Variants in COL6A5 observed in about 807,000 individuals in gnomAD.
COL6A5 encodes the protein collagen type VI alpha 5 chain, also known as collagen alpha-5(VI) chain.
COL6A5 carries 48 observed loss-of-function variants against 65.6 expected under a neutral mutation model. That is an observed-to-expected ratio of 0.73 (90% CI 0.58 to 0.93). The LOEUF (loss-of-function observed/expected upper bound fraction) is 0.93. Among genes scored for constraint, COL6A5 ranks in the 40% least tolerant of loss-of-function variants. The pLI is 0.00. For synonymous variants in COL6A5, 291 were observed against 322.8 expected, an observed-to-expected ratio of 0.90 and a Z score of 1.05; for missense variants, 914 against 928.3, an observed-to-expected ratio of 0.98 and a Z score of 0.20.
chr3:130,483,952 G>A, intron 7 of COL6A5, 83 bp from the exon 41 acceptor site: 2 of 1,146,652 alleles, frequency 1.7e-6, no homozygotes, highest in Admixed American at 2.1e-5. Context: ...TTTATATGTG[G>A]CATATAAAGG....
chr3:130,400,580 G>C (rs1033793176), intron 10 of COL6A5, among the ~76,000 whole-genome samples: 1 of 152,146 alleles, frequency 6.6e-6, no homozygotes, highest in African/African-American at 2.4e-5. Flanking sequence ...CTCAGGGCTT[G>C]GCCTCCCAGG....
At chr3:130,413,930 G>A in intron 21 of COL6A5, 139 bp from the exon 22 acceptor site, 1 of 676,830 alleles carries the variant, frequency 1.5e-6, no homozygotes, top group African/African-American at 1.8e-5. Context: ...GTCTAGAACT[G>A]TAAAATCCTA....
chr3:130,420,831 A>G (rs1172360118), intron 25 of COL6A5, among the ~76,000 whole-genome samples: 1 of 152,076 alleles, frequency 6.6e-6, no homozygotes, highest in African/African-American at 2.4e-5. Context: ...ATCCTTCTTC[A>G]GAGAGTTTCT....
exon 3 of COL6A5, chr3:130,376,273 T>C (rs769061297): frequency 6.2e-7 from 1 of 1,610,424 alleles, no homozygotes; most frequent in South Asian, 1.1e-5. Context: ...GTGTTTCTGG[T>C]GGACAGCTCC....
chr3:130,456,857 C>G (rs1709585962), intron 5 of COL6A5, among the ~76,000 whole-genome samples: 1 of 151,872 alleles, frequency 6.6e-6, no homozygotes, highest in Non-Finnish European at 1.5e-5. Context: ...CACTTACATC[C>G]CCACAATTAT....
rs140364416 is a variant in COL6A5, at chr3:130,420,022, T to A, written c.4950+1091T>A. On this transcript the variant is annotated intron_variant and NMD_transcript_variant, in intron 25 of 41. Coordinates refer to the COL6A5 transcript ENST00000312481. ...CCATTGCCTCCATAAAGGCTTTCAGTCTTCCTTCATTGCATTTTCTATCCA... is the reference window on the plus strand; with the variant it reads ...CCATTGCCTCCATAAAGGCTTTCAGACTTCCTTCATTGCATTTTCTATCCA... Among the ~76,000 whole-genome samples the A allele has an allele frequency of 3.9e-5, 6 of 152,230 alleles. No homozygotes were observed. The East Asian group carries it at 9.7e-4, about 25-fold the overall frequency.
At chr3:130,393,221 G>T (rs1936466911) in intron 7 of COL6A5, among the ~76,000 whole-genome samples, 1 of 151,726 alleles carries the variant, frequency 6.6e-6, no homozygotes, top group Non-Finnish European at 1.5e-5. Flanking sequence ...AATCTACCCT[G>T]TCCTTCTGAA....
chr3:130,353,723 G>GAA (rs11396453), intron 1 of COL6A5, among the ~76,000 whole-genome samples: 97 of 149,930 alleles, frequency 6.5e-4, no homozygotes, highest in South Asian at 4.0e-3. Flanking sequence ...TAAAATTTCT[G>GAA]AAAAAAAAAG....
chr3:130,395,224 A>G lies in COL6A5; in HGVS notation c.3327A>G (p.Gln1109=), dbSNP rs138909133. 14 of 1,551,680 alleles carry G rather than the reference A, an allele frequency of 9.0e-6. No individual in the cohort carries two copies. In the African/African-American group the frequency reaches 1.9e-4, roughly 21 times the overall value. The change falls in exon 8 of 42, where the codon CAA becomes CAG. Residue 1109 remains glutamine (Q), a synonymous_variant and NMD_transcript_variant. Coordinates refer to the COL6A5 transcript ENST00000312481. Reference sequence around the variant, plus strand: ...GGAGAAGAAATGCTGGTGTCCCCCAAACTTTGGTTGTTATCACATCTGGAG... The same window carrying G: ...GGAGAAGAAATGCTGGTGTCCCCCAGACTTTGGTTGTTATCACATCTGGAG...
exon 8 of COL6A5, chr3:130,484,244 T>A (rs1710320921): frequency 5.4e-6 from 3 of 558,508 alleles, no homozygotes; most frequent in African/African-American, 3.8e-5. Flanking sequence ...AGTGAAGACA[T>A]CAGTAAGAAG....
intron 5 of COL6A5, among the ~76,000 whole-genome samples, chr3:130,464,872 G>A (rs1310930204): frequency 6.6e-6 from 1 of 152,002 alleles, no homozygotes; most frequent in Non-Finnish European, 1.5e-5. Flanking sequence ...GGAAGAATGT[G>A]GTGTATATAT....
intron 4 of COL6A5, among the ~76,000 whole-genome samples, chr3:130,451,291 G>T (rs142331153): frequency 6.6e-6 from 1 of 152,160 alleles, no homozygotes; most frequent in Non-Finnish European, 1.5e-5. Context: ...TGGAGTTGGC[G>T]TAGAAGTGAC....
chr3:130,376,241 A>G (rs151042455), exon 3 of COL6A5: 329 of 1,593,806 alleles, frequency 2.1e-4, no homozygotes, highest in Non-Finnish European at 2.6e-4. Context: ...TGATAGGGCC[A>G]GGCCCTGTGT....
chr3:130,429,517 T>A, upstream of COL6A5: 2 of 1,483,382 alleles, frequency 1.3e-6, no homozygotes, highest in Non-Finnish European at 1.8e-6. Context: ...TTTTTTGAAC[T>A]ATTTTTAGTC....
chr3:130,433,934 T>C (rs1344384694), intron 1 of COL6A5, among the ~76,000 whole-genome samples: 1 of 151,830 alleles, frequency 6.6e-6, no homozygotes, highest in Non-Finnish European at 1.5e-5. Context: ...TCTAAAATAG[T>C]TTGCCTTACC....
chr3:130,415,546 G>A, intron 22 of COL6A5, 99 bp from the exon 23 acceptor site: 1 of 1,106,760 alleles, frequency 9.0e-7, no homozygotes, highest in South Asian at 1.5e-5. Context: ...TGTGGGAAGG[G>A]CTGGACCATT....
At chr3:130,445,879 T>C (rs1709292290) in intron 4 of COL6A5, among the ~76,000 whole-genome samples, 1 of 152,176 alleles carries the variant, frequency 6.6e-6, no homozygotes, top group Admixed American at 6.5e-5. Context: ...TTTTTTAATA[T>C]TACTGCATGT....
intron 4 of COL6A5, among the ~76,000 whole-genome samples, chr3:130,450,945 G>A (rs1366640923): frequency 6.6e-6 from 1 of 152,068 alleles, no homozygotes; most frequent in Non-Finnish European, 1.5e-5. Context: ...GCCTGCAAAC[G>A]GGCCTCCTCT....
At chr3:130,347,278 G>A (rs1033798571) in intron 1 of COL6A5, among the ~76,000 whole-genome samples, 2 of 152,116 alleles carry the variant, frequency 1.3e-5, no homozygotes, top group Admixed American at 6.5e-5. Flanking sequence ...GTAGTTCCCC[G>A]GAGGACCCTG....
Sources: gnomAD v4.1 joint callset for allele counts (sites outside exome capture counted in the v4.1 genomes callset) on GRCh38, gnomAD v4.1.1 for gene constraint, MANE v1.5 for transcripts, NCBI Gene and HGNC (gene_info 2026-07-23, HGNC 2026-07-21) for gene names.